WNT5B: variants seen among roughly 807,000 people sequenced by gnomAD.
The protein encoded by WNT5B is Wnt family member 5B, also known as protein Wnt-5b.
Under a neutral mutation model 36.5 loss-of-function variants are expected in WNT5B, and 18 were observed. The ratio of observed to expected loss-of-function variants is 0.49; its 90% CI spans 0.34 to 0.73. WNT5B has a LOEUF of 0.73. WNT5B is among the 30% of genes least tolerant of loss of function. The probability of loss-of-function intolerance (pLI) is 0.01; values close to 1 mark genes in which losing one functional copy is unlikely to be tolerated. For synonymous variants in WNT5B, 213 were observed against 212.3 expected, an observed-to-expected ratio of 1.00 and a Z score of -0.03; for missense variants, 424 against 508.4, an observed-to-expected ratio of 0.83 and a Z score of 1.60.
chr12:1,642,527 T>G (rs1009852341), intron 4 of WNT5B, among the ~76,000 whole-genome samples: 5 of 152,190 alleles, frequency 3.3e-5, no homozygotes. Context: ...ATGTGCTGTA[T>G]GTGGGTGGGA....
At chr12:1,625,905 C>CT (rs1442544865), upstream of WNT5B, among the ~76,000 whole-genome samples, 1 of 151,994 alleles carries the variant, frequency 6.6e-6, no homozygotes, top group Non-Finnish European at 1.5e-5. Flanking sequence ...TCAAGTGATC[C>CT]ACCTGCCTCA....
upstream of WNT5B, among the ~76,000 whole-genome samples, chr12:1,625,011 G>A (rs2094539191): frequency 6.6e-6 from 1 of 152,074 alleles, no homozygotes. Context: ...TTAATATCTG[G>A]ATTGCTGCAG....
chr12:1,646,250 T>C lies in WNT5B; in HGVS notation c.1078T>C (p.Ter360GlnextTer20), dbSNP rs2094585529. 1 of 1,607,416 alleles carries C rather than the reference T, an allele frequency of 6.2e-7. No homozygotes were observed. Among genetic ancestry groups the C allele is most frequent in the Non-Finnish European group, 8.5e-7 (1 of 1,175,946 alleles). ...GATCGTGGACCAGTACATCTGTAAA[T>C]AGCCCGGAGGGCCTGCTCCCGGCCC... ...TEIVDQYICK[*>Q] Residue 360 changes from the stop codon to glutamine, a stop_lost, in exon 5 of 5, where the codon TAG (stop) becomes CAG (glutamine). Coordinates refer to ENST00000397196, the MANE Select transcript of WNT5B (RefSeq NM_032642.3).
At position 1,631,331 on chromosome 12, in the gene WNT5B, C is replaced by T; in HGVS notation, c.-24C>T. ...ACTCTGGAAACTGTCAGTCCCAGGG[C>T]ACTGGGGAGGGCTGAGGCCGACCAT... On this transcript the variant is annotated 5_prime_UTR_variant, in exon 2 of 5. Transcript: ENST00000397196. The T allele has an allele frequency of 6.2e-7, 1 of 1,613,786 alleles. No individual in the cohort carries two copies. Among genetic ancestry groups the T allele is most frequent in the Non-Finnish European group, 8.5e-7 (1 of 1,179,794 alleles).
At chr12:1,623,670 T>C (rs1312673210) in intron 1 of WNT5B, among the ~76,000 whole-genome samples, 1 of 152,160 alleles carries the variant, frequency 6.6e-6, no homozygotes, top group East Asian at 1.9e-4. Flanking sequence ...ATCTAAAATG[T>C]CCCTCCACGT....
In WNT5B at chr12:1,631,381, G is replaced by C. The variant is rs745750497; in HGVS notation, c.27G>C (p.Thr9=). The C allele has an allele frequency of 7.4e-6, 12 of 1,614,168 alleles. No homozygotes were observed. The highest frequency in any genetic ancestry group is 1.0e-5 in the Non-Finnish European group (12 of 1,180,036). MPSLLLLF[T]AALLSSWAQL... ...TGCCCAGCCTGCTGCTGCTGTTCAC[G>C]GCTGCTCTGCTGTCCAGCTGGGCTC... The change falls in exon 2 of 5, where the codon ACG becomes ACC. Residue 9 remains threonine, a synonymous_variant. Transcript: ENST00000397196.
At chr12:1,626,004 G>T (rs1431705323), upstream of WNT5B, among the ~76,000 whole-genome samples, 1 of 147,888 alleles carries the variant, frequency 6.8e-6, no homozygotes, top group African/African-American at 2.5e-5. Context: ...TTTGAGGCAG[G>T]GTCTCAATCT....
rs2094548739 is a variant in WNT5B at position 1,630,595 on chromosome 12, C to T, written c.-57-703C>T. 1.3e-5 allele frequency among the ~76,000 whole-genome samples: 2 copies of T among 152,070 alleles called. No homozygotes were observed. Among genetic ancestry groups the T allele is most frequent in the Admixed American group, 6.5e-5 (1 of 15,280 alleles). The stretch of plus-strand genomic sequence containing the variant: ...GTGCCGCCCTCGAGGACCACGGTGC[C>T]GGGAGGGGCAGGGGCCGCCTAGGGA... On this transcript the variant is annotated intron_variant, in intron 1 of 4. Transcript: ENST00000397196. The surrounding 1 kb of genome is among the most constrained non-coding windows in gnomAD (Gnocchi z 5.3).
At chr12:1,637,604 G>A (rs535605596) in intron 3 of WNT5B, among the ~76,000 whole-genome samples, 1 of 145,850 alleles carries the variant, frequency 6.9e-6, no homozygotes. Context: ...AAAAAAACTA[G>A]CCAGGCGCGG....
At position 1,632,679 on chromosome 12, in the gene WNT5B, G is replaced by A. The variant is rs768005717; in HGVS notation, c.102G>A (p.Val34=). ...CTAGGTCATTAGCTTTGAACCCGGT[G>A]CAGAGACCCGAGATGTTTATCATCG... is the stretch of plus-strand genomic sequence containing the variant. The part of the protein sequence containing the change: ...NSWWSLALNP[V]QRPEMFIIGA... The change falls in exon 3 of 5, where the codon GTG becomes GTA. Residue 34 remains valine (V), a synonymous_variant. Coordinates refer to ENST00000397196, the MANE Select transcript of WNT5B (RefSeq NM_032642.3). The surrounding 1 kb of genome is among the most constrained non-coding windows in gnomAD (Gnocchi z 5.8). 4.4e-6 allele frequency: 7 copies of A among 1,607,212 alleles called. No individual in the cohort carries two copies. In the Admixed American group the frequency reaches 1.0e-4, roughly 23 times the overall value.
upstream of WNT5B, among the ~76,000 whole-genome samples, chr12:1,625,838 A>G (rs148870703): frequency 6.6e-6 from 1 of 151,464 alleles, no homozygotes; most frequent in African/African-American, 2.4e-5. Context: ...TAATTTTTGT[A>G]TTTTTAGTAG....
At chr12:1,638,987 C>T (rs1565610124) in intron 3 of WNT5B, among the ~76,000 whole-genome samples, 1 of 152,184 alleles carries the variant, frequency 6.6e-6, no homozygotes, top group Non-Finnish European at 1.5e-5. Context: ...CTTCCTTAGC[C>T]TCATTCTGTT....
At chr12:1,641,545 G>A (rs1270518284) in intron 4 of WNT5B, among the ~76,000 whole-genome samples, 2 of 152,152 alleles carry the variant, frequency 1.3e-5, no homozygotes, top group Non-Finnish European at 2.9e-5. Flanking sequence ...GCTGATGCCT[G>A]TAATCCCAAC....
chr12:1,634,291 C>T (rs2094556443), intron 3 of WNT5B, among the ~76,000 whole-genome samples: 1 of 152,206 alleles, frequency 6.6e-6, no homozygotes, highest in African/African-American at 2.4e-5. Flanking sequence ...ATCTTGGCAG[C>T]ACTTCCTGCC....
intron 3 of WNT5B, among the ~76,000 whole-genome samples, chr12:1,634,147 G>A (rs1344220543): frequency 6.6e-6 from 1 of 152,194 alleles, no homozygotes; most frequent in Non-Finnish European, 1.5e-5. Context: ...AACTCAGGGT[G>A]CATAAAAGGA....
At chr12:1,624,153 G>A (rs946508942) in intron 1 of WNT5B, among the ~76,000 whole-genome samples, 2 of 152,178 alleles carry the variant, frequency 1.3e-5, no homozygotes, top group Admixed American at 6.5e-5. Context: ...TTGGGAGGCC[G>A]AGGCAGGTGG....
chr12:1,627,715 AG>A (rs1376814796), upstream of WNT5B, among the ~76,000 whole-genome samples: 1 of 152,110 alleles, frequency 6.6e-6, no homozygotes, highest in African/African-American at 2.4e-5. This position sits in a 1 kb window ranked among gnomAD's most constrained non-coding sequence, Gnocchi z 5.0. Context: ...TGTGCTCTAG[AG>A]GGGGTCTTGG....
Position 1,639,805 on chromosome 12 carries a change from G to C in WNT5B, c.450G>C (p.Lys150Asn). ...TCGCSRTARP[K>N]DLPRDWLWGG... Reference sequence around the variant, plus strand: ...GCTGCAGCCGGACGGCGCGGCCCAAGGACCTGCCCCGGGACTGGCTGTGGG... The same window carrying C: ...GCTGCAGCCGGACGGCGCGGCCCAACGACCTGCCCCGGGACTGGCTGTGGG... The change falls in exon 4 of 5, where the codon AAG becomes AAC. Residue 150 changes from lysine to asparagine, a missense_variant. Coordinates refer to ENST00000397196, the MANE Select transcript of WNT5B (RefSeq NM_032642.3). The C allele has an allele frequency of 1.2e-6, 2 of 1,613,264 alleles. No individual in the cohort carries two copies. The highest frequency in any genetic ancestry group is 1.1e-5 in the South Asian group (1 of 91,066).
chr12:1,638,173 G>A (rs1447356908), intron 3 of WNT5B, among the ~76,000 whole-genome samples: 1 of 152,198 alleles, frequency 6.6e-6, no homozygotes, highest in Non-Finnish European at 1.5e-5. Context: ...GTGAACCCGT[G>A]AGGCGGAGCT....
Sources: gnomAD v4.1 joint callset for allele counts (sites outside exome capture counted in the v4.1 genomes callset) on GRCh38, gnomAD v4.1.1 for gene constraint, Gnocchi (gnomAD v3.1) non-coding constraint, MANE v1.5 for transcripts, NCBI Gene and HGNC (gene_info 2026-07-23, HGNC 2026-07-21) for gene names.